The following CBLL1 variants were observed in gnomAD, a reference collection of about 807,000 sequenced individuals.
CBLL1 encodes the protein E3 ubiquitin-protein ligase Hakai.
A neutral mutation model predicts 44.9 loss-of-function variants in CBLL1; 4 were observed. The observed-to-expected ratio is 0.09, with a 90% confidence interval of 0.04 to 0.20. The LOEUF (loss-of-function observed/expected upper bound fraction) is 0.20, where lower values mean the gene tolerates loss of function less well. CBLL1 is among the 10% of genes least tolerant of loss of function. CBLL1 has a pLI of 1.00. For missense variants in CBLL1, 569 were observed against 636.7 expected, an observed-to-expected ratio of 0.89 and a Z score of 1.14; for synonymous variants, 235 against 202.2, an observed-to-expected ratio of 1.16 and a Z score of -1.38.
rs548083646 is a variant in CBLL1, at chr7:107,752,323, G to A, written c.182-1088G>A. Among the ~76,000 whole-genome samples, 245 of 152,142 alleles carry A rather than the reference G, an allele frequency of 1.6e-3. 1 individual carries two copies. The highest frequency in any genetic ancestry group is 2.9e-3 in the Non-Finnish European group (195 of 67,996). Reference sequence around the variant, plus strand: ...AGGAACACTCAGGTGTAACTTATAAGAGCATCCTGACTTTGGATTATACAT... The same window carrying A: ...AGGAACACTCAGGTGTAACTTATAAAAGCATCCTGACTTTGGATTATACAT... On this transcript the variant is annotated intron_variant, in intron 2 of 5. Transcript: ENST00000440859.
rs1015494877 is a variant in CBLL1 at position 107,760,458 on chromosome 7, TTGTGGATTTCAGTGCTTTACA to T, written c.*1283_*1303del. ...TGGAGAAGAGGAAATAACAGCTAAA[TTGTGGATTTCAGTGCTTTACA>T]TGGTGCCTTTCGAGTCAGCTTTTAC... is the stretch of plus-strand genomic sequence containing the variant. On this transcript the variant is annotated 3_prime_UTR_variant, in exon 6 of 6. Transcript: ENST00000440859. 19 of 152,228 alleles carry T rather than the reference TTGTGGATTTCAGTGCTTTACA, an allele frequency of 1.2e-4. No homozygotes were observed. Among genetic ancestry groups the T allele is most frequent in the Non-Finnish European group, 1.5e-5 (1 of 67,956 alleles). The allele number at this position is 152,228 out of a possible 1,614,324, so 9.4% of individuals were successfully genotyped here.
At chr7:107,753,029 A>G (rs1457433251) in intron 2 of CBLL1, among the ~76,000 whole-genome samples, 1 of 152,214 alleles carries the variant, frequency 6.6e-6, no homozygotes, top group Non-Finnish European at 1.5e-5. Flanking sequence ...AATGGTGATC[A>G]ATATCTTAAA....
At chr7:107,745,877 G>C (rs376325446) in intron 1 of CBLL1, among the ~76,000 whole-genome samples, 1 of 152,306 alleles carries the variant, frequency 6.6e-6, no homozygotes, top group African/African-American at 2.4e-5. Context: ...ACAAGTGTTT[G>C]GTCTTGGACT....
At chr7:107,753,346 A>C in intron 2 of CBLL1, 65 bp from the exon 3 acceptor site, 2 of 1,064,486 alleles carry the variant, frequency 1.9e-6, no homozygotes, top group Non-Finnish European at 2.8e-6. Flanking sequence ...TTTGCCATGT[A>C]TATGTGCTTC....
At chr7:107,748,850 A>G in intron 1 of CBLL1, 30 bp from the exon 2 acceptor site, 1 of 1,548,668 alleles carries the variant, frequency 6.5e-7, no homozygotes, top group African/African-American at 1.4e-5. Flanking sequence ...AAAAACTAAA[A>G]GAAATTACAA....
At chr7:107,752,016 A>G (rs1484410813) in intron 2 of CBLL1, among the ~76,000 whole-genome samples, 2 of 152,088 alleles carry the variant, frequency 1.3e-5, no homozygotes, top group Non-Finnish European at 2.9e-5. Flanking sequence ...TGGCTAACAC[A>G]GTGAAACCTC....
chr7:107,752,288 A>G (rs1793337654), intron 2 of CBLL1, among the ~76,000 whole-genome samples: 2 of 152,204 alleles, frequency 1.3e-5, no homozygotes, highest in Non-Finnish European at 2.9e-5. Flanking sequence ...AATGGGTGAT[A>G]TAGGAGCCTA....
rs1562868323 is a variant in CBLL1 at position 107,760,006 on chromosome 7, G to A, written c.*828G>A. ...TTACTGAATGGTCGGAATCACATAT[G>A]CACCACACATACTGATCTTAAGTAA... On this transcript the variant is annotated 3_prime_UTR_variant, in exon 6 of 6. Coordinates refer to ENST00000440859, the MANE Select transcript of CBLL1 (RefSeq NM_024814.4). The A allele has an allele frequency of 1.3e-5, 2 of 152,402 alleles. No individual in the cohort carries two copies. Among genetic ancestry groups the A allele is most frequent in the African/African-American group, 4.8e-5 (2 of 41,568 alleles). 9.4% of individuals were successfully genotyped at this position (152,402 alleles called of 1,614,324 possible).
intron 5 of CBLL1, among the ~76,000 whole-genome samples, chr7:107,757,071 T>C (rs978740239): frequency 6.6e-6 from 1 of 152,226 alleles, no homozygotes; most frequent in Admixed American, 6.5e-5. Context: ...GCCAGCCTTA[T>C]AGTAAGGATG....
At position 107,748,873 on chromosome 7, in the gene CBLL1, A is replaced by T; in HGVS notation, c.14-7A>T. The stretch of plus-strand genomic sequence containing the variant: ...AAAGAAATTACAACTTTTTTTTCCT[A>T]ACACAGACAATGAGTTACAAGGCAC... On this transcript the variant is annotated splice_region_variant and splice_polypyrimidine_tract_variant and intron_variant, in intron 1 of 5. Coordinates refer to ENST00000440859, the MANE Select transcript of CBLL1 (RefSeq NM_024814.4). 6.3e-7 allele frequency: 1 copy of T among 1,575,780 alleles called. No individual in the cohort carries two copies. Among genetic ancestry groups the T allele is most frequent in the Non-Finnish European group, 8.6e-7 (1 of 1,165,110 alleles).
rs1445383649 is a variant in CBLL1, at chr7:107,748,993, C to A, written c.127C>A (p.Arg43=). ...AGCAAACAAAGCGAAACCTGCACCG[C>A]GAACTCAAAGAACTATAAACAGGAT... is the stretch of plus-strand genomic sequence containing the variant. ...KQANKAKPAP[R]TQRTINRMPA... Residue 43 remains arginine, a synonymous_variant, in exon 2 of 6, where the codon CGA becomes AGA. Transcript: ENST00000440859. 1 of 1,614,100 alleles carries A rather than the reference C, an allele frequency of 6.2e-7. No individual in the cohort carries two copies. The highest frequency in any genetic ancestry group is 8.5e-7 in the Non-Finnish European group (1 of 1,180,012).
At chr7:107,746,034 A>T (rs772839481) in intron 1 of CBLL1, among the ~76,000 whole-genome samples, 10 of 152,178 alleles carry the variant, frequency 6.6e-5, no homozygotes, top group Non-Finnish European at 1.2e-4. Context: ...ACCACTTAAG[A>T]AGGGTGTGTT....
At chr7:107,754,699 A>G (rs1793449509) in intron 4 of CBLL1, among the ~76,000 whole-genome samples, 1 of 152,200 alleles carries the variant, frequency 6.6e-6, no homozygotes, top group Admixed American at 6.5e-5. Flanking sequence ...AATTAACTTG[A>G]AACTACCAGA....
intron 2 of CBLL1, chr7:107,752,529 C>A: frequency 7.8e-7 from 1 of 1,285,354 alleles, no homozygotes; most frequent in Non-Finnish European, 1.0e-6. Flanking sequence ...GTGTGCTTGG[C>A]TACTCTGTTT....
chr7:107,750,441 G>T (rs1366126956), intron 2 of CBLL1, among the ~76,000 whole-genome samples: 2 of 151,994 alleles, frequency 1.3e-5, no homozygotes, highest in African/African-American at 4.8e-5. Flanking sequence ...GAGTAGCTGG[G>T]ACTACAGGTG....
rs1472158652 is a variant in CBLL1 at position 107,760,585 on chromosome 7, T to A, written c.*1407T>A. ...ACTCATATGTATAAATCAACATTCT[T>A]AGGATATTATTTATATCCTTTGAAT... is the stretch of plus-strand genomic sequence containing the variant. On this transcript the variant is annotated 3_prime_UTR_variant, in exon 6 of 6. Transcript: ENST00000440859. 6.6e-6 allele frequency: 1 copy of A among 152,254 alleles called. No homozygotes were observed. Among genetic ancestry groups the A allele is most frequent in the Non-Finnish European group, 1.5e-5 (1 of 67,954 alleles). The allele number at this position is 152,254 out of a possible 1,614,324, so 9.4% of individuals were successfully genotyped here.
At chr7:107,755,987 C>G (rs183005741) in intron 5 of CBLL1, among the ~76,000 whole-genome samples, 1 of 152,070 alleles carries the variant, frequency 6.6e-6, no homozygotes, top group Admixed American at 6.5e-5. Flanking sequence ...TATATAGTAG[C>G]TGGCATATAG....
At chr7:107,754,788 A>T (rs1026623969) in intron 4 of CBLL1, among the ~76,000 whole-genome samples, 1 of 149,306 alleles carries the variant, frequency 6.7e-6, no homozygotes, top group East Asian at 2.0e-4. Context: ...AAACAAGATT[A>T]AAAAAAAAAC....
intron 5 of CBLL1, among the ~76,000 whole-genome samples, chr7:107,757,646 TAAG>T (rs1793585479): frequency 6.6e-6 from 1 of 152,202 alleles, no homozygotes; most frequent in African/African-American, 2.4e-5. Context: ...TGTTTAATGT[TAAG>T]AACCCTAATG....
Sources: allele counts gnomAD v4.1 joint callset (sites outside exome capture counted in the v4.1 genomes callset), GRCh38; gene constraint gnomAD v4.1.1; transcripts MANE v1.5; gene names NCBI Gene and HGNC (gene_info 2026-07-23, HGNC 2026-07-21).